Variants in MRAP2 observed in about 807,000 individuals in gnomAD.
MRAP2 encodes melanocortin-2 receptor accessory protein 2.
A neutral mutation model predicts 17.4 loss-of-function variants in MRAP2; 20 were observed. The observed-to-expected ratio is 1.15, with a 90% CI of 0.81 to 1.67. MRAP2 has a LOEUF of 1.67. Among genes scored for constraint, MRAP2 ranks in the 40% most tolerant of loss-of-function variants. MRAP2 has a pLI of 0.00. For missense variants in MRAP2, 238 were observed against 240.0 expected, an observed-to-expected ratio of 0.99 and a Z score of 0.05; for synonymous variants, 96 against 88.4, an observed-to-expected ratio of 1.09 and a Z score of -0.48.
the MRAP2 span, among the ~76,000 whole-genome samples, chr6:84,117,952 G>A: frequency 6.6e-6 from 1 of 152,202 alleles, no homozygotes; most frequent in Admixed American, 6.5e-5. Context: ...CAGTTAGGAG[G>A]AACGGGATCA....
chr6:84,033,307 G>A (rs1489210117), upstream of MRAP2, among the ~76,000 whole-genome samples: 1 of 152,142 alleles, frequency 6.6e-6, no homozygotes, highest in African/African-American at 2.4e-5. Flanking sequence ...TTGGGACCCC[G>A]TTTGAACGTC....
chr6:84,075,836 T>C (rs1311874741), intron 3 of MRAP2, among the ~76,000 whole-genome samples: 1 of 152,092 alleles, frequency 6.6e-6, no homozygotes, highest in Non-Finnish European at 1.5e-5. Context: ...TACCTGAATA[T>C]GGCACTCATT....
the MRAP2 span, among the ~76,000 whole-genome samples, chr6:84,144,736 TGAA>T: frequency 1.3e-5 from 2 of 152,138 alleles, no homozygotes; most frequent in Middle Eastern, 3.2e-3. Context: ...AGTAAACTGA[TGAA>T]GAATTCTTTT....
intron 1 of MRAP2, among the ~76,000 whole-genome samples, chr6:84,043,650 T>TG (rs952036677): frequency 7.1e-5 from 6 of 84,722 alleles, no homozygotes; most frequent in South Asian, 8.4e-4. Context: ...TGTGTGTGTA[T>TG]GGGGGGGTGA....
chr6:84,045,196 A>G, intron 1 of MRAP2: 3 of 985,298 alleles, frequency 3.0e-6, no homozygotes, highest in Non-Finnish European at 3.6e-6. Flanking sequence ...CTAAGGAATG[A>G]CTTTATATAT....
chr6:84,136,907 C>T, the MRAP2 span, among the ~76,000 whole-genome samples: 1 of 152,174 alleles, frequency 6.6e-6, no homozygotes, highest in East Asian at 1.9e-4. Flanking sequence ...CGGCCACACA[C>T]CAGGCACCTA....
the MRAP2 span, among the ~76,000 whole-genome samples, chr6:84,102,242 C>T: frequency 2.6e-5 from 4 of 152,100 alleles, no homozygotes; most frequent in Admixed American, 1.3e-4. Context: ...CACCTATGTC[C>T]GCCTGTGAAT....
At chr6:84,082,967 CT>C (rs1478573160) in intron 3 of MRAP2, among the ~76,000 whole-genome samples, 1 of 152,030 alleles carries the variant, frequency 6.6e-6, no homozygotes, top group Non-Finnish European at 1.5e-5. Context: ...CCCTTTTCCC[CT>C]CTCTCCCTTA....
chr6:84,144,410 AT>A, the MRAP2 span, among the ~76,000 whole-genome samples: 1 of 152,100 alleles, frequency 6.6e-6, no homozygotes, highest in Non-Finnish European at 1.5e-5. Flanking sequence ...AAATAACCAA[AT>A]TTCCATATCA....
At chr6:84,045,375 GC>G (rs1441173188) in intron 1 of MRAP2, 8 of 985,250 alleles carry the variant, frequency 8.1e-6, no homozygotes, top group Non-Finnish European at 9.6e-6. Context: ...AGGCAAGCCT[GC>G]CCCCAAGACC....
Position 84,048,459 on chromosome 6 carries a change from T to C in MRAP2, c.-7-6853T>C, listed in dbSNP as rs76696908. Among the ~76,000 whole-genome samples, 1,184 of 152,316 alleles carry C rather than the reference T, an allele frequency of 7.8e-3. 10 individuals are homozygous for C. The highest frequency in any genetic ancestry group is 0.027 in the African/African-American group (1,117 of 41,576). On this transcript the variant is annotated intron_variant, in intron 1 of 3. Transcript: ENST00000257776. ...GTCATGGGAACCCAGAAAACCTAAC[T>C]ATAATAAAAGTGGCTGGCTTGGTAT...
At chr6:84,115,453 C>T in the MRAP2 span, among the ~76,000 whole-genome samples, 1 of 152,176 alleles carries the variant, frequency 6.6e-6, no homozygotes, top group Non-Finnish European at 1.5e-5. Flanking sequence ...CCAGGTTGAC[C>T]TCAGACTGCT....
chr6:84,087,343 G>C (rs145321273), intron 3 of MRAP2, among the ~76,000 whole-genome samples: 29 of 152,322 alleles, frequency 1.9e-4, no homozygotes, highest in African/African-American at 6.5e-4. Context: ...CTCCAAAGGA[G>C]GCAATCAGAT....
the MRAP2 span, among the ~76,000 whole-genome samples, chr6:84,133,136 T>C: frequency 7.9e-5 from 12 of 151,936 alleles, no homozygotes; most frequent in African/African-American, 2.9e-4. Context: ...CTCCAGACAC[T>C]GTTTGCCTGG....
intron 1 of MRAP2, among the ~76,000 whole-genome samples, chr6:84,041,086 A>G (rs935112817): frequency 6.6e-6 from 1 of 152,194 alleles, no homozygotes; most frequent in Non-Finnish European, 1.5e-5. Flanking sequence ...CGTGCAGTCT[A>G]GAGACTTGGT....
At chr6:84,100,812 T>C in the MRAP2 span, among the ~76,000 whole-genome samples, 1 of 152,142 alleles carries the variant, frequency 6.6e-6, no homozygotes, top group Non-Finnish European at 1.5e-5. Flanking sequence ...TCAGGAATCT[T>C]GGTGTGTTCC....
intron 1 of MRAP2, among the ~76,000 whole-genome samples, chr6:84,038,262 C>A (rs1289717472): frequency 2.6e-5 from 4 of 152,224 alleles, no homozygotes; most frequent in Admixed American, 6.5e-5. Context: ...ATAGTTAATT[C>A]AGTCCTTTCC....
downstream of MRAP2, among the ~76,000 whole-genome samples, chr6:84,094,959 C>G (rs964189434): frequency 6.6e-6 from 1 of 152,172 alleles, no homozygotes; most frequent in Non-Finnish European, 1.5e-5. Flanking sequence ...GCAATCTAGT[C>G]AGTTTATATC....
intron 1 of MRAP2, among the ~76,000 whole-genome samples, chr6:84,042,414 C>G (rs1431006834): frequency 1.3e-5 from 2 of 152,108 alleles, no homozygotes; most frequent in Admixed American, 1.3e-4. Context: ...GAAGCAGAGG[C>G]CAAAGGTGGC....
Sources: allele counts gnomAD v4.1 joint callset (sites outside exome capture counted in the v4.1 genomes callset), GRCh38; gene constraint gnomAD v4.1.1; transcripts MANE v1.5; gene names NCBI Gene and HGNC (gene_info 2026-07-23, HGNC 2026-07-21).